Variants in ASAP3 observed in about 807,000 individuals in gnomAD.
ASAP3 encodes ArfGAP with SH3 domain, ankyrin repeat and PH domain 3, also known as arf-GAP with SH3 domain, ANK repeat and PH domain-containing protein 3.
ASAP3 carries 85 observed loss-of-function variants against 118.2 expected under a neutral mutation model. That is an observed-to-expected ratio of 0.72 (90% CI 0.60 to 0.86). The LOEUF is 0.86. ASAP3 is among the 40% of genes least tolerant of loss of function. The pLI is 0.00. For synonymous variants in ASAP3, 432 were observed against 477.4 expected (o/e 0.90, Z 1.24); for missense variants, 1,026 against 1,175.0 (o/e 0.87, Z 1.85).
chr1:23,483,896 G>A (rs61778891), intron 1 of ASAP3, 109 bp downstream of exon 1: 171,769 of 1,132,608 alleles, frequency 0.15, 15,431 homozygotes, highest in African/African-American at 0.4. Flanking sequence ...GGAGGGGGCA[G>A]GTTTCGGGGC....
intron 1 of ASAP3, among the ~76,000 whole-genome samples, chr1:23,457,023 C>G (rs980071245): frequency 6.6e-6 from 1 of 152,350 alleles, no homozygotes; most frequent in East Asian, 1.9e-4. Flanking sequence ...AAACACTCCC[C>G]CTTTCAGTGG....
rs1640665669 is a variant in ASAP3 at position 23,436,621 on chromosome 1, C to T, written c.1510G>A (p.Glu504Lys). 1 of 1,614,238 alleles carries T rather than the reference C, an allele frequency of 6.2e-7. No homozygotes were observed. Among genetic ancestry groups the T allele is most frequent in the Non-Finnish European group, 8.5e-7 (1 of 1,180,042 alleles). Residue 504 changes from glutamate to lysine, a missense_variant, in exon 16 of 25, where the codon GAG (glutamate) becomes AAG (lysine). By Grantham distance (56) the Glu-to-Lys change is moderately conservative (BLOSUM62 1). Coordinates refer to ENST00000336689, the MANE Select transcript of ASAP3 (RefSeq NM_017707.4). The surrounding 1 kb of genome is among the most constrained non-coding windows in gnomAD (Gnocchi z 4.2). ...GAGGGTAGCTGGGCCTCCATGACCT[C>T]ATTGAAGCTCGTGTTTCCCATGTTC... ...ALNMGNTSFN[E>K]VMEAQLPSHG...
In ASAP3 at chr1:23,441,408, T is replaced by C; in HGVS notation, c.813A>G (p.Thr271=). 6.2e-7 allele frequency: 1 copy of C among 1,614,162 alleles called. No individual in the cohort carries two copies. Residue 271 remains threonine (T), a synonymous_variant, in exon 9 of 25, where the codon ACA becomes ACG. Transcript: ENST00000336689. The part of the protein sequence containing the change: ...LTQLRDSLRG[T]LQLESREEHL... The stretch of plus-strand genomic sequence containing the variant: ...TGACCTCTCTGCTCTCAAGCTGCAG[T>C]GTCCCTCGGAGGGAGTCCCGGAGCT...
chr1:23,438,049 C>G lies in ASAP3; in HGVS notation c.1103-577G>C, dbSNP rs1332612124. On this transcript the variant is annotated intron_variant, in intron 12 of 24. Coordinates refer to ENST00000336689, the MANE Select transcript of ASAP3 (RefSeq NM_017707.4). The surrounding 1 kb of genome is among the most constrained non-coding windows in gnomAD (Gnocchi z 4.9). Reference sequence around the variant, plus strand: ...ACATGAACCCTCCACTCTGGCCAAACCGGCCAGACCCACTCTCCTGCTTCC... The same window carrying G: ...ACATGAACCCTCCACTCTGGCCAAAGCGGCCAGACCCACTCTCCTGCTTCC... Among the ~76,000 whole-genome samples the G allele has an allele frequency of 3.3e-5, 5 of 152,202 alleles. No individual in the cohort carries two copies. Among genetic ancestry groups the G allele is most frequent in the African/African-American group, 1.2e-4 (5 of 41,450 alleles).
intron 24 of ASAP3, 91 bp downstream of exon 24, chr1:23,430,944 G>T: frequency 8.1e-7 from 1 of 1,237,790 alleles, no homozygotes. Context: ...ACCATGGGGA[G>T]GTCTCCCACC....
Position 23,437,553 on chromosome 1 carries a change from CTGGGGCCACA to C in ASAP3, c.1103-91_1103-82del. 6.4e-7 allele frequency: 1 copy of C among 1,553,266 alleles called. No homozygotes were observed. The highest frequency in any genetic ancestry group is 8.8e-7 in the Non-Finnish European group (1 of 1,134,666). ...GCCCAGGGAGCCCCCACCAAAGCCG[CTGGGGCCACA>C]TGGAGATGTGTCCCTGACAAGTCGG... On this transcript the variant is annotated intron_variant, in intron 12 of 24. Transcript: ENST00000336689. This position sits in a 1 kb window ranked among gnomAD's most constrained non-coding sequence, Gnocchi z 6.1.
At chr1:23,433,331 C>T (rs1041556808) in intron 21 of ASAP3, 59 bp from the exon 22 acceptor site, 1 of 1,609,672 alleles carries the variant, frequency 6.2e-7, no homozygotes, top group Non-Finnish European at 8.5e-7. Flanking sequence ...TAGCCCTGTC[C>T]CCCCGCCTCA....
Position 23,442,263 on chromosome 1 carries a change from G to A in ASAP3, c.594C>T (p.Leu198=), listed in dbSNP as rs1325660287. Residue 198 remains leucine, a synonymous_variant, in exon 7 of 25, where the codon CTC becomes CTT. Transcript: ENST00000336689. ...GCTTCATCTGGCTCTCCCCGGCTTT[G>A]AGCAGATACTAGGAGGAGGGCAGGG... The part of the protein sequence containing the change: ...IFQLHMCEYL[L]KAGESQMKQG... 1.9e-6 allele frequency: 3 copies of A among 1,604,262 alleles called. No homozygotes were observed. The highest frequency in any genetic ancestry group is 2.6e-6 in the Non-Finnish European group (3 of 1,175,874).
chr1:23,478,770 T>A (rs989120221), intron 1 of ASAP3, among the ~76,000 whole-genome samples: 88 of 150,842 alleles, frequency 5.8e-4, no homozygotes, highest in South Asian at 8.4e-4. Flanking sequence ...AAAAAAAAAA[T>A]AAAAAATAAA....
chr1:23,478,334 G>A lies in ASAP3; in HGVS notation c.129+5671C>T, dbSNP rs548655224. On this transcript the variant is annotated intron_variant, in intron 1 of 24. Transcript: ENST00000336689. ...ACAAAAATTAGCCAGGCATGGTGGC[G>A]GGCGCCTGTAATCCCAGCTACTCGG... 1.6e-4 allele frequency among the ~76,000 whole-genome samples: 24 copies of A among 152,200 alleles called. 1 individual carries two copies. In the South Asian group the frequency reaches 3.1e-3, roughly 20 times the overall value.
intron 1 of ASAP3, among the ~76,000 whole-genome samples, chr1:23,465,701 C>G (rs1050527300): frequency 2.0e-5 from 3 of 152,102 alleles, no homozygotes; most frequent in Non-Finnish European, 4.4e-5. Flanking sequence ...AGGGTTTCGC[C>G]ATCTTGACCA....
At chr1:23,445,261 G>T (rs1641013501) in intron 5 of ASAP3, among the ~76,000 whole-genome samples, 2 of 152,294 alleles carry the variant, frequency 1.3e-5, no homozygotes, top group South Asian at 4.1e-4. Context: ...AGGCCAAGGT[G>T]AGAGGATTGC....
In ASAP3 at chr1:23,456,184, C is replaced by G; in HGVS notation, c.140G>C (p.Gly47Ala). The change falls in exon 2 of 25, where the codon GGA (glycine) becomes GCA (alanine). Residue 47 changes from glycine to alanine, a missense_variant. By Grantham distance (60) the Gly-to-Ala change is moderately conservative. Transcript: ENST00000336689. ...TATTCTCTGCAGGATGGCTTGGTCT[C>G]CTTCCAAGATCTGGAAGCAAATGTG... ...AALAREEILE[G>A]DQAILQRIKK... is the part of the protein sequence containing the mutation. The G allele has an allele frequency of 6.2e-7, 1 of 1,614,040 alleles. No homozygotes were observed. The highest frequency in any genetic ancestry group is 8.5e-7 in the Non-Finnish European group (1 of 1,179,986).
chr1:23,451,901 C>A (rs114448334), intron 4 of ASAP3, among the ~76,000 whole-genome samples: 262 of 152,302 alleles, frequency 1.7e-3, no homozygotes, highest in African/African-American at 6.2e-3. Flanking sequence ...GCCAAATTCC[C>A]CCTGCCTAAC....
Position 23,433,225 on chromosome 1 carries a change from C to T in ASAP3, c.2175G>A (p.Arg725=), listed in dbSNP as rs1376598061. Residue 725 remains arginine (R), a synonymous_variant, in exon 22 of 25, where the codon AGG becomes AGA. Coordinates refer to ENST00000336689, the MANE Select transcript of ASAP3 (RefSeq NM_017707.4). Reference sequence around the variant, plus strand: ...CATAGGTCTTGTTGCTGATGTCCAGCCTCCCACTGGCCCAGTGAGCCTGGG... The same window carrying T: ...CATAGGTCTTGTTGCTGATGTCCAGTCTCCCACTGGCCCAGTGAGCCTGGG... ...LPAQAHWASG[R]LDISNKTYET... 2 of 1,613,182 alleles carry T rather than the reference C, an allele frequency of 1.2e-6. No homozygotes were observed. Among genetic ancestry groups the T allele is most frequent in the Non-Finnish European group, 1.7e-6 (2 of 1,179,416 alleles).
chr1:23,465,522 G>T (rs957533170), intron 1 of ASAP3, among the ~76,000 whole-genome samples: 1 of 151,518 alleles, frequency 6.6e-6, no homozygotes, highest in Admixed American at 6.6e-5. Context: ...TTTTGGGGGG[G>T]GGATAGACTC....
chr1:23,434,768 T>C (rs72883002), intron 17 of ASAP3, 150 bp from the exon 18 acceptor site: 2 of 701,196 alleles, frequency 2.9e-6, no homozygotes, highest in African/African-American at 1.8e-5. Flanking sequence ...CAGAGCCTCA[T>C]GTCTGGGAGG....
At chr1:23,448,779 G>T (rs1318363144) in intron 5 of ASAP3, among the ~76,000 whole-genome samples, 1 of 152,174 alleles carries the variant, frequency 6.6e-6, no homozygotes, top group African/African-American at 2.4e-5. Context: ...CAGGCACTCT[G>T]CTAGGCCCTT....
intron 1 of ASAP3, among the ~76,000 whole-genome samples, chr1:23,474,036 C>T (rs764701924): frequency 1.4e-4 from 18 of 127,434 alleles, no homozygotes; most frequent in Admixed American, 7.1e-4. Flanking sequence ...GGCACAATCT[C>T]GGCTCACTGA....
Sources: gnomAD v4.1 joint callset for allele counts (sites outside exome capture counted in the v4.1 genomes callset) on GRCh38, gnomAD v4.1.1 for gene constraint, Gnocchi (gnomAD v3.1) non-coding constraint, MANE v1.5 for transcripts, NCBI Gene and HGNC (gene_info 2026-07-23, HGNC 2026-07-21) for gene names.